Variants in GEN1 observed in about 807,000 individuals in gnomAD.
GEN1 encodes GEN1 structure-specific endonuclease, also known as flap endonuclease GEN homolog 1.
In GEN1, 64 loss-of-function variants were observed where a neutral mutation model predicts 67.6. The ratio of observed to expected loss-of-function variants is 0.95; its 90% CI spans 0.77 to 1.17. GEN1 has a LOEUF of 1.17. Ranked by LOEUF, GEN1 falls within the 50% of genes most tolerant of loss-of-function variation. GEN1 has a pLI of 0.00. For synonymous variants in GEN1, 371 were observed against 359.4 expected (o/e 1.03, Z -0.37); for missense variants, 1,058 against 1,048.3 (o/e 1.01, Z -0.13).
Position 17,785,201 on chromosome 2 carries a change from C to T in GEN1, c.*3262C>T, listed in dbSNP as rs1673017755. 1.3e-5 allele frequency: 2 copies of T among 152,312 alleles called. No individual in the cohort carries two copies. Among genetic ancestry groups the T allele is most frequent in the South Asian group, 4.1e-4 (2 of 4,820 alleles). 9.4% of individuals were successfully genotyped at this position (152,312 alleles called of 1,614,324 possible). On this transcript the variant is annotated 3_prime_UTR_variant, in exon 14 of 14. Coordinates refer to ENST00000381254, the MANE Select transcript of GEN1 (RefSeq NM_001130009.3). ...TTTCCACGAAAGTGGTCCTCGGTGCCAGAAAGGTTGGGGACTGCTGATATA... is the reference window on the plus strand; with the variant it reads ...TTTCCACGAAAGTGGTCCTCGGTGCTAGAAAGGTTGGGGACTGCTGATATA...
chr2:17,764,106 A>T (rs1671811506), intron 3 of GEN1, among the ~76,000 whole-genome samples: 1 of 152,246 alleles, frequency 6.6e-6, no homozygotes, highest in African/African-American at 2.4e-5. Flanking sequence ...CATAAACCAG[A>T]GGAAAGTCAC....
rs1161773600 is a variant in GEN1, at chr2:17,782,803, T to C, written c.*864T>C. On this transcript the variant is annotated 3_prime_UTR_variant, in exon 14 of 14. Transcript: ENST00000381254. ...TCTATTTTTTCCTTCTATAGCACTT[T>C]TCCCCCTTTTGTTTTGAATCTATGC... 6.6e-6 allele frequency: 1 copy of C among 152,248 alleles called. No homozygotes were observed. The highest frequency in any genetic ancestry group is 2.4e-5 in the African/African-American group (1 of 41,470). 9.4% of individuals were successfully genotyped at this position (152,248 alleles called of 1,614,324 possible). A position where few individuals can be genotyped will look rare whatever the true frequency, so the allele number is the denominator to read the frequency against.
chr2:17,774,216 G>A lies in GEN1; in HGVS notation c.1072-55G>A, dbSNP rs564437204. The A allele has an allele frequency of 9.9e-4, 959 of 964,226 alleles. 8 individuals carry two copies. The highest frequency in any genetic ancestry group is 7.3e-3 in the South Asian group (381 of 51,860). The allele number at this position is 964,226 out of a possible 1,614,324, so 59.7% of individuals were successfully genotyped here. ...AAAAATATTAATATCACCTAGGAGT[G>A]CTATTTGTCTCCAAGAGATAACAAA... On this transcript the variant is annotated intron_variant, in intron 10 of 13. Transcript: ENST00000381254.
intron 12 of GEN1, 123 bp downstream of exon 12, chr2:17,778,186 A>ACACACACATATGTGTATATATATG: frequency 5.6e-6 from 2 of 359,404 alleles, no homozygotes; most frequent in South Asian, 6.0e-5. Flanking sequence ...ATATATATAT[A>ACACACACATATGTGTATATATATG]TACACACACA....
chr2:17,768,851 A>G (rs1285011496), intron 6 of GEN1, 40 bp downstream of exon 6: 3 of 1,267,776 alleles, frequency 2.4e-6, no homozygotes, highest in Non-Finnish European at 3.4e-6. Context: ...TTGAACCTTT[A>G]TTCTTGCTGA....
At chr2:17,768,599 G>T in intron 5 of GEN1, 139 bp from the exon 6 acceptor site, 1 of 615,264 alleles carries the variant, frequency 1.6e-6, no homozygotes, top group African/African-American at 1.9e-5. Flanking sequence ...GCATAGCAGT[G>T]TATCTTGCAT....
chr2:17,781,813 C>G lies in GEN1; in HGVS notation c.2601C>G (p.Phe867Leu), dbSNP rs1189777926. Residue 867 changes from phenylalanine (F) to leucine (L), a missense_variant, in exon 14 of 14, where the codon TTC (phenylalanine) becomes TTG (leucine). Physicochemically the swap from Phe to Leu is conservative, Grantham distance 22. Transcript: ENST00000381254. ...CAGCTGAAAATGAAGAAAGCTGTTT[C>G]CCAGATTCAACAAAAAGTTCTCTGA... ...YETAENEESC[F>L]PDSTKSSLSS... The G allele has an allele frequency of 9.9e-6, 16 of 1,612,390 alleles. No individual in the cohort carries two copies. Among genetic ancestry groups the G allele is most frequent in the Non-Finnish European group, 1.4e-5 (16 of 1,179,330 alleles).
Position 17,781,885 on chromosome 2 carries a change from G to A in GEN1, c.2673G>A (p.Leu891=). The change falls in exon 14 of 14, where the codon TTG becomes TTA. Residue 891 remains leucine, a synonymous_variant. Coordinates refer to ENST00000381254, the MANE Select transcript of GEN1 (RefSeq NM_001130009.3). ...HKKENNSGTC[L]DSPLPLRQRL... ...AAGAAAACAACTCTGGTACTTGTTT[G>A]GATAGCCCTCTTCCTTTACGCCAGA... The A allele has an allele frequency of 6.3e-7, 1 of 1,588,014 alleles. No homozygotes were observed. The highest frequency in any genetic ancestry group is 8.5e-7 in the Non-Finnish European group (1 of 1,172,696).
In GEN1 at chr2:17,780,070, G is replaced by A. The variant is rs564386964; in HGVS notation, c.1357G>A (p.Val453Ile). ...GTTTGAAGCAGCATATCCTGAGATC[G>A]TTGCTGTTTACCAAAAACAAAAGTT... ...SLFEAAYPEI[V>I]AVYQKQKLEI... The change falls in exon 13 of 14, where the codon GTT (valine) becomes ATT (isoleucine). Residue 453 changes from valine (V) to isoleucine (I), a missense_variant. By Grantham distance (29) the Val-to-Ile change is conservative. Coordinates refer to ENST00000381254, the MANE Select transcript of GEN1 (RefSeq NM_001130009.3). 99 of 1,612,066 alleles carry A rather than the reference G, an allele frequency of 6.1e-5. No homozygotes were observed. The South Asian group carries it at 6.7e-4, about 11-fold the overall frequency.
chr2:17,771,267 G>A lies in GEN1; in HGVS notation c.782G>A (p.Cys261Tyr). 6.2e-7 allele frequency: 1 copy of A among 1,600,148 alleles called. No homozygotes were observed. The highest frequency in any genetic ancestry group is 8.6e-7 in the Non-Finnish European group (1 of 1,167,756). The stretch of plus-strand genomic sequence containing the variant: ...CTAGTCACTAAAAAACTGGCTCATT[G>A]TTCCGTATGTTCCCATCCAGGTAAG... ...QLLVTKKLAH[C>Y]SVCSHPGSPK... is the part of the protein sequence containing the mutation. Residue 261 changes from cysteine (C) to tyrosine (Y), a missense_variant, in exon 7 of 14, where the codon TGT (cysteine) becomes TAT (tyrosine). By Grantham distance (194) the Cys-to-Tyr change is radical. Coordinates refer to ENST00000381254, the MANE Select transcript of GEN1 (RefSeq NM_001130009.3).
At chr2:17,762,106 A>G (rs16983832) in intron 3 of GEN1, among the ~76,000 whole-genome samples, 2 of 150,964 alleles carry the variant, frequency 1.3e-5, no homozygotes, top group African/African-American at 2.4e-5. Context: ...TAATATTGCT[A>G]TATTTTATAT....
At position 17,779,988 on chromosome 2, in the gene GEN1, T is replaced by C. The variant is rs1238746467; in HGVS notation, c.1275T>C (p.Ala425=). The C allele has an allele frequency of 6.2e-7, 1 of 1,601,338 alleles. No individual in the cohort carries two copies. The highest frequency in any genetic ancestry group is 8.6e-7 in the Non-Finnish European group (1 of 1,169,340). ...EIEWEKPEHY[A]MEDKQHGEFA... ...TTTTTAATCTTTTAGAACATTATGC[T>C]ATGGAAGATAAACAACATGGAGAAT... is the stretch of plus-strand genomic sequence containing the variant. The change falls in exon 13 of 14, where the codon GCT becomes GCC. Residue 425 remains alanine (A), a synonymous_variant. Transcript: ENST00000381254.
At chr2:17,771,679 C>T (rs1672195375) in intron 7 of GEN1, among the ~76,000 whole-genome samples, 1 of 151,782 alleles carries the variant, frequency 6.6e-6, no homozygotes, top group African/African-American at 2.4e-5. Flanking sequence ...AATGATTCTT[C>T]ATTGTCCTGT....
At chr2:17,780,383 T>C (rs1053001304) in intron 13 of GEN1, among the ~76,000 whole-genome samples, 3 of 152,362 alleles carry the variant, frequency 2.0e-5, no homozygotes, top group African/African-American at 7.2e-5. Flanking sequence ...AGCTACTGTT[T>C]ATAGCATATT....
At chr2:17,771,174 T>G in intron 6 of GEN1, 22 bp from the exon 7 acceptor site, 3 of 1,535,854 alleles carry the variant, frequency 2.0e-6, no homozygotes, top group Non-Finnish European at 2.7e-6. Context: ...TTCCTTTTTT[T>G]AAAAACCACT....
intron 7 of GEN1, among the ~76,000 whole-genome samples, chr2:17,771,870 C>T (rs1410933866): frequency 6.6e-6 from 1 of 150,778 alleles, no homozygotes; most frequent in Non-Finnish European, 1.5e-5. Context: ...ATCATGTTAA[C>T]TCATCTTTTA....
chr2:17,756,681 C>T (rs1402297415), intron 1 of GEN1, among the ~76,000 whole-genome samples: 1 of 152,138 alleles, frequency 6.6e-6, no homozygotes, highest in Non-Finnish European at 1.5e-5. Context: ...CTGCCTCGAC[C>T]TCCCAAAGAG....
chr2:17,782,107 C>G lies in GEN1; in HGVS notation c.*168C>G, dbSNP rs1672870895. 8.2e-6 allele frequency: 4 copies of G among 489,778 alleles called. No individual in the cohort carries two copies. In the South Asian group the frequency reaches 1.5e-4, roughly 19 times the overall value. 30.3% of individuals were successfully genotyped at this position (489,778 alleles called of 1,614,324 possible). A position where few individuals can be genotyped will look rare whatever the true frequency, so the allele number is the denominator to read the frequency against. On this transcript the variant is annotated 3_prime_UTR_variant, in exon 14 of 14. Transcript: ENST00000381254. Reference sequence around the variant, plus strand: ...AATTTTTAAAAAGTCACCTAAAACTCTGGTTTTAAAAGATCCTCTGTATTG... The same window carrying G: ...AATTTTTAAAAAGTCACCTAAAACTGTGGTTTTAAAAGATCCTCTGTATTG...
At chr2:17,770,061 C>T (rs1192667449) in intron 6 of GEN1, among the ~76,000 whole-genome samples, 1 of 152,044 alleles carries the variant, frequency 6.6e-6, no homozygotes, top group Non-Finnish European at 1.5e-5. Context: ...TCAGTTATTA[C>T]TGTGCCCAAG....
Sources: allele counts gnomAD v4.1 joint callset (sites outside exome capture counted in the v4.1 genomes callset), GRCh38; gene constraint gnomAD v4.1.1; transcripts MANE v1.5; gene names NCBI Gene and HGNC (gene_info 2026-07-23, HGNC 2026-07-21).